Variants in PLCB3 observed in about 807,000 individuals in gnomAD.
PLCB3 encodes phospholipase C beta 3.
In PLCB3, 54 loss-of-function variants were observed where a neutral mutation model predicts 152.1. The ratio of observed to expected loss-of-function variants is 0.36; its 90% CI spans 0.29 to 0.45. The LOEUF (loss-of-function observed/expected upper bound fraction) is 0.45. Among genes scored for constraint, PLCB3 ranks in the 20% least tolerant of loss-of-function variants. The probability of loss-of-function intolerance (pLI) is 1.00; values close to 1 mark genes in which losing one functional copy is unlikely to be tolerated. For synonymous variants in PLCB3, 717 were observed against 698.7 expected (o/e 1.03, Z -0.41); for missense variants, 1,248 against 1,687.5 (o/e 0.74, Z 4.56).
rs1355633997 is a variant in PLCB3, at chr11:64,262,683, G to A, written c.2230G>A (p.Gly744Ser). The A allele has an allele frequency of 6.2e-7, 1 of 1,613,870 alleles. No homozygotes were observed. Among genetic ancestry groups the A allele is most frequent in the South Asian group, 1.1e-5 (1 of 91,094 alleles). ...SGQFLSDRKV[G>S]IYVEVDMFGL... Reference sequence around the variant, plus strand: ...GCAGTTCCTGTCCGACAGGAAGGTGGGCATCTACGTGGAGGTGGACATGTT... The same window carrying A: ...GCAGTTCCTGTCCGACAGGAAGGTGAGCATCTACGTGGAGGTGGACATGTT... The change falls in exon 19 of 31, where the codon GGC becomes AGC. Residue 744 changes from glycine (G) to serine (S), a missense_variant. Physicochemically the swap from Gly to Ser is moderately conservative, Grantham distance 56. Around this residue, in one of 6 missense-constraint regions of PLCB3, gnomAD observed 244 missense variants for 424.4 expected, o/e 0.57. Transcript: ENST00000279230.
chr11:64,261,293 G>A, intron 14 of PLCB3, 107 bp from the exon 15 acceptor site: 3 of 817,322 alleles, frequency 3.7e-6, no homozygotes, highest in South Asian at 1.4e-5. Flanking sequence ...CCAGCAGTGT[G>A]TATATAGTGC....
chr11:64,252,207 G>T (rs371812993), intron 1 of PLCB3, among the ~76,000 whole-genome samples: 4 of 152,012 alleles, frequency 2.6e-5, no homozygotes, highest in South Asian at 4.2e-4. Flanking sequence ...AACAGTCCTC[G>T]TCCATTCATC....
Position 64,255,699 on chromosome 11 carries a change from C to A in PLCB3, c.598-22C>A, listed in dbSNP as rs2135042990. The A allele has an allele frequency of 6.2e-7, 1 of 1,610,894 alleles. No individual in the cohort carries two copies. Among genetic ancestry groups the A allele is most frequent in the East Asian group, 2.2e-5 (1 of 44,862 alleles). On this transcript the variant is annotated intron_variant, in intron 7 of 30. Transcript: ENST00000279230. The surrounding 1 kb of genome is among the most constrained non-coding windows in gnomAD (Gnocchi z 6.8). The stretch of plus-strand genomic sequence containing the variant: ...GGGGCTGCCCGCCCCTGGCTTCTCA[C>A]CCCACACTCCTCGACCTCCAGAGTG...
Position 64,255,622 on chromosome 11 carries a change from TGGGGTGGGGACAGGGGC to T in PLCB3, c.597+16_597+32del. The stretch of plus-strand genomic sequence containing the variant: ...GTGGCCTCAAATTCAACCGGGTGTG[TGGGGTGGGGACAGGGGC>T]GGGGTGGGGTGTCACGGTGGGCACC... On this transcript the variant is annotated splice_region_variant and intron_variant, in intron 7 of 30. Coordinates refer to ENST00000279230, the MANE Select transcript of PLCB3 (RefSeq NM_000932.5). This position sits in a 1 kb window ranked among gnomAD's most constrained non-coding sequence, Gnocchi z 6.8. 4 of 554,718 alleles carry T rather than the reference TGGGGTGGGGACAGGGGC, an allele frequency of 7.2e-6. No individual in the cohort carries two copies. Among genetic ancestry groups the T allele is most frequent in the Non-Finnish European group, 1.3e-5 (4 of 297,178 alleles). 34.4% of individuals were successfully genotyped at this position (554,718 alleles called of 1,614,324 possible). A position where few individuals can be genotyped will look rare whatever the true frequency, so the allele number is the denominator to read the frequency against.
chr11:64,262,176 C>T (rs948416769), intron 17 of PLCB3, 100 bp downstream of exon 17: 160 of 1,528,732 alleles, frequency 1.0e-4, no homozygotes, highest in Non-Finnish European at 1.3e-4. Context: ...CTGACCCTGT[C>T]TCATCCCAGA....
rs763355011 is a variant in PLCB3, at chr11:64,256,427, C to G, written c.750C>G (p.Ile250Met). Reference sequence around the variant, plus strand: ...CGCTGGAGCAGCTCATGGACTTCATCAACCAGAAGCAACGCGACCCGAGAC... The same window carrying G: ...CGCTGGAGCAGCTCATGGACTTCATGAACCAGAAGCAACGCGACCCGAGAC... ...YLTLEQLMDF[I>M]NQKQRDPRLN... The change falls in exon 9 of 31, where the codon ATC (isoleucine) becomes ATG (methionine). Residue 250 changes from isoleucine to methionine, a missense_variant. Coordinates refer to ENST00000279230, the MANE Select transcript of PLCB3 (RefSeq NM_000932.5). 3 of 1,613,638 alleles carry G rather than the reference C, an allele frequency of 1.9e-6. No individual in the cohort carries two copies. The East Asian group carries it at 6.7e-5, about 36-fold the overall frequency.
At position 64,255,622 on chromosome 11, in the gene PLCB3, TG is replaced by T; in HGVS notation, c.597+10del. 1 of 554,948 alleles carries T rather than the reference TG, an allele frequency of 1.8e-6. No homozygotes were observed. The highest frequency in any genetic ancestry group is 1.4e-5 in the South Asian group (1 of 70,404). 34.4% of individuals were successfully genotyped at this position (554,948 alleles called of 1,614,324 possible). On this transcript the variant is annotated splice_region_variant and intron_variant, in intron 7 of 30. Transcript: ENST00000279230. The surrounding 1 kb of genome is among the most constrained non-coding windows in gnomAD (Gnocchi z 6.8). ...GTGGCCTCAAATTCAACCGGGTGTGTGGGGTGGGGACAGGGGCGGGGTGGGG... is the reference window on the plus strand; with the variant it reads ...GTGGCCTCAAATTCAACCGGGTGTGTGGGTGGGGACAGGGGCGGGGTGGGG...
rs141163685 is a variant in PLCB3, at chr11:64,267,262, G to T, written c.3492G>T (p.Glu1164Asp). 8.1e-5 allele frequency: 125 copies of T among 1,550,972 alleles called. No individual in the cohort carries two copies. The African/African-American group carries it at 1.5e-3, about 19-fold the overall frequency. ...QQQVLQQLAE[E>D]EPKLLAQLAQ... ...AGGTCCTGCAACAGCTGGCAGAAGAGGAGCCCAAGGTGAGGCCATGGGCGA... is the reference window on the plus strand; with the variant it reads ...AGGTCCTGCAACAGCTGGCAGAAGATGAGCCCAAGGTGAGGCCATGGGCGA... Residue 1164 changes from glutamate (E) to aspartate (D), a missense_variant, in exon 30 of 31, where the codon GAG (glutamate) becomes GAT (aspartate). Physicochemically the swap from Glu to Asp is conservative, Grantham distance 45 (BLOSUM62 2). This residue lies in a region of PLCB3 where 477 missense variants were observed against 489.6 expected (regional missense o/e 0.97). Coordinates refer to ENST00000279230, the MANE Select transcript of PLCB3 (RefSeq NM_000932.5). This position sits in a 1 kb window ranked among gnomAD's most constrained non-coding sequence, Gnocchi z 5.2.
At chr11:64,253,520 G>A (rs1282098277) in intron 1 of PLCB3, among the ~76,000 whole-genome samples, 1 of 152,234 alleles carries the variant, frequency 6.6e-6, no homozygotes, top group African/African-American at 2.4e-5. Context: ...TTTTGGGGGT[G>A]GCACCCAACA....
intron 13 of PLCB3, 86 bp from the exon 14 acceptor site, chr11:64,259,943 T>G: frequency 3.5e-6 from 4 of 1,138,446 alleles, no homozygotes; most frequent in Non-Finnish European, 5.1e-6. Flanking sequence ...CTGAGTCACC[T>G]CGGCACACAC....
chr11:64,264,528 C>T (rs2032016916), intron 22 of PLCB3, among the ~76,000 whole-genome samples: 5 of 152,294 alleles, frequency 3.3e-5, no homozygotes, highest in South Asian at 4.1e-4. Flanking sequence ...GCAATTAGGG[C>T]TGCCTGGAGC....
intron 1 of PLCB3, among the ~76,000 whole-genome samples, chr11:64,252,877 T>C (rs1395264347): frequency 6.6e-6 from 1 of 151,524 alleles, no homozygotes; most frequent in Admixed American, 6.6e-5. Flanking sequence ...GCCTTTGAGG[T>C]CCAGACCCCT....
At position 64,267,100 on chromosome 11, in the gene PLCB3, A is replaced by G; in HGVS notation, c.3415-85A>G. 1 of 1,260,302 alleles carries G rather than the reference A, an allele frequency of 7.9e-7. No individual in the cohort carries two copies. Among genetic ancestry groups the G allele is most frequent in the Non-Finnish European group, 1.1e-6 (1 of 886,816 alleles). The allele number at this position is 1,260,302 out of a possible 1,614,324, so 78.1% of individuals were successfully genotyped here. The stretch of plus-strand genomic sequence containing the variant: ...TGAGCCACTGCACCCGGCCTCGCCC[A>G]CCTGACTTCTATACCCAGCCAGAGC... On this transcript the variant is annotated intron_variant, in intron 29 of 30. Transcript: ENST00000279230. The surrounding 1 kb of genome is among the most constrained non-coding windows in gnomAD (Gnocchi z 5.2).
At position 64,258,202 on chromosome 11, in the gene PLCB3, C is replaced by A. The variant is rs1242088671; in HGVS notation, c.1013-271C>A. On this transcript the variant is annotated intron_variant, in intron 10 of 30. Coordinates refer to ENST00000279230, the MANE Select transcript of PLCB3 (RefSeq NM_000932.5). The surrounding 1 kb of genome is among the most constrained non-coding windows in gnomAD (Gnocchi z 7.2). ...GATTGGAGGCAGGGAGGGCTGGAGT[C>A]TTCCACACAGGAGGTGGTGTGAGCT... Among the ~76,000 whole-genome samples, 1 of 150,562 alleles carries A rather than the reference C, an allele frequency of 6.6e-6. No individual in the cohort carries two copies. Among genetic ancestry groups the A allele is most frequent in the Non-Finnish European group, 1.5e-5 (1 of 67,798 alleles).
chr11:64,260,245 C>G lies in PLCB3; in HGVS notation c.1731+11C>G. The stretch of plus-strand genomic sequence containing the variant: ...CCAACTACAGATGAGGTCAGGCCCA[C>G]AGGGTGGGCAGGTCGGGGAGGTAGC... On this transcript the variant is annotated intron_variant, in intron 14 of 30. Transcript: ENST00000279230. The G allele has an allele frequency of 6.5e-7, 1 of 1,544,720 alleles. No individual in the cohort carries two copies.
Position 64,265,240 on chromosome 11 carries a change from G to C in PLCB3, c.2842+13G>C. ...AGCATCCTCTCAGGTAGGGGGCGGG[G>C]TACCTGGAGGCAGGGGGCTGCCTTG... On this transcript the variant is annotated intron_variant, in intron 24 of 30. Coordinates refer to ENST00000279230, the MANE Select transcript of PLCB3 (RefSeq NM_000932.5). 1 of 1,596,580 alleles carries C rather than the reference G, an allele frequency of 6.3e-7. No homozygotes were observed. The highest frequency in any genetic ancestry group is 8.5e-7 in the Non-Finnish European group (1 of 1,170,852).
intron 13 of PLCB3, among the ~76,000 whole-genome samples, 176 bp from the exon 14 acceptor site, chr11:64,259,853 C>T (rs1039272279): frequency 2.0e-5 from 3 of 152,184 alleles, no homozygotes; most frequent in African/African-American, 4.8e-5. Flanking sequence ...TCAACCCATA[C>T]TGGGTTAATA....
Position 64,254,817 on chromosome 11 carries a change from G to C in PLCB3, c.246+1G>C. ...AGGCCGGTACGCCCGCCTGCCCAAG[G>C]TGAGTGATGAGCCTGGGAGTGAAGA... On this transcript the variant is annotated splice_donor_variant, in intron 3 of 30. Coordinates refer to ENST00000279230, the MANE Select transcript of PLCB3 (RefSeq NM_000932.5). LOFTEE classifies it high-confidence loss of function. 6.2e-7 allele frequency: 1 copy of C among 1,613,884 alleles called. No homozygotes were observed. The highest frequency in any genetic ancestry group is 8.5e-7 in the Non-Finnish European group (1 of 1,180,000).
intron 1 of PLCB3, 67 bp from the exon 2 acceptor site, chr11:64,254,348 G>GTGGT: frequency 7.7e-7 from 1 of 1,305,886 alleles, no homozygotes. Context: ...TGATGGGAGG[G>GTGGT]CCCCAGGGGC....
Sources: allele counts gnomAD v4.1 joint callset (sites outside exome capture counted in the v4.1 genomes callset), GRCh38; gene constraint gnomAD v4.1.1; regional missense constraint gnomAD v4.1.1; non-coding constraint Gnocchi (gnomAD v3.1); transcripts MANE v1.5; gene names NCBI Gene and HGNC (gene_info 2026-07-23, HGNC 2026-07-21).